The following NAV1 variants were observed in gnomAD, a reference collection of about 807,000 sequenced individuals.
The protein encoded by NAV1 is neuron navigator 1.
Under a neutral mutation model 175.2 loss-of-function variants are expected in NAV1, and 18 were observed. The ratio of observed to expected loss-of-function variants is 0.10; its 90% CI spans 0.07 to 0.15. NAV1 has a LOEUF of 0.15. Among genes scored for constraint, NAV1 ranks in the 10% least tolerant of loss-of-function variants. The pLI, the probability that NAV1 is intolerant of heterozygous loss-of-function variation, is 1.00. For missense variants in NAV1, 1,731 were observed against 2,436.6 expected (o/e 0.71, Z 6.10); for synonymous variants, 897 against 978.7 (o/e 0.92, Z 1.56).
At chr1:201,553,537 G>A (rs1172349252) in intron 1 of NAV1, among the ~76,000 whole-genome samples, 6 of 152,164 alleles carry the variant, frequency 3.9e-5, no homozygotes, top group Non-Finnish European at 7.3e-5. Flanking sequence ...TTTAATTGAG[G>A]TATAATTTAC....
At chr1:201,670,116 G>A (rs554630670) in intron 1 of NAV1, among the ~76,000 whole-genome samples, 3 of 151,880 alleles carry the variant, frequency 2.0e-5, no homozygotes, top group African/African-American at 4.8e-5. Context: ...CTCGGGCCGG[G>A]TGCGGTGGCT....
At chr1:201,643,944 T>C (rs1668891621), upstream of NAV1, among the ~76,000 whole-genome samples, 1 of 152,210 alleles carries the variant, frequency 6.6e-6, no homozygotes, top group Admixed American at 6.5e-5. Context: ...TCAAATTGCT[T>C]TAAGTTATCT....
intron 14 of NAV1, 161 bp from the exon 19 acceptor site, chr1:201,794,305 C>A (rs1677297610): frequency 1.5e-6 from 1 of 670,714 alleles, no homozygotes; most frequent in Admixed American, 2.2e-5. Context: ...GTGCCCGCCA[C>A]CACGCCCAGC....
chr1:201,700,853 T>C (rs1429035684), intron 1 of NAV1, among the ~76,000 whole-genome samples: 2 of 150,526 alleles, frequency 1.3e-5, no homozygotes, highest in South Asian at 2.1e-4. Context: ...CTAATAAAAA[T>C]ACAAAAAATT....
chr1:201,755,914 G>A (rs1376253975), intron 3 of NAV1, among the ~76,000 whole-genome samples: 1 of 152,044 alleles, frequency 6.6e-6, no homozygotes, highest in Admixed American at 6.6e-5. Context: ...AGACCATCCT[G>A]GCCAACATGG....
chr1:201,596,624 C>A (rs1667353636), intron 2 of NAV1, among the ~76,000 whole-genome samples: 1 of 152,202 alleles, frequency 6.6e-6, no homozygotes, highest in South Asian at 2.1e-4. Context: ...CCATTTCCAT[C>A]ATTCTCCAGT....
chr1:201,555,162 A>G (rs1318276635), intron 1 of NAV1, among the ~76,000 whole-genome samples: 1 of 152,172 alleles, frequency 6.6e-6, no homozygotes, highest in African/African-American at 2.4e-5. Flanking sequence ...CCCTATTTCC[A>G]AATAAGGTCA....
In NAV1 at chr1:201,718,701, G is replaced by A; in HGVS notation, c.1172G>A (p.Ser391Asn). Residue 391 changes from serine to asparagine, a missense_variant, in exon 3 of 30, where the codon AGC becomes AAC. Around this residue, in one of 13 missense-constraint regions of NAV1, gnomAD observed 487 missense variants for 581.3 expected, o/e 0.84. Transcript: ENST00000367296. The surrounding 1 kb of genome is among the most constrained non-coding windows in gnomAD (Gnocchi z 4.8). Reference sequence around the variant, plus strand: ...GTGGACCTCAAGTCCGGCTACATGAGCGACAGTGACCTCATGGGCAAGACC... The same window carrying A: ...GTGGACCTCAAGTCCGGCTACATGAACGACAGTGACCTCATGGGCAAGACC... 6.2e-7 allele frequency: 1 copy of A among 1,614,146 alleles called. No individual in the cohort carries two copies. Among genetic ancestry groups the A allele is most frequent in the Non-Finnish European group, 8.5e-7 (1 of 1,180,026 alleles).
At chr1:201,707,186 C>G (rs181165738) in intron 1 of NAV1, among the ~76,000 whole-genome samples, 1 of 152,140 alleles carries the variant, frequency 6.6e-6, no homozygotes, top group Non-Finnish European at 1.5e-5. Flanking sequence ...AGCAAGGTTC[C>G]GGAAGAGAAT....
intron 2 of NAV1, among the ~76,000 whole-genome samples, chr1:201,715,264 G>A (rs754761393): frequency 1.3e-5 from 2 of 150,990 alleles, no homozygotes; most frequent in Admixed American, 6.6e-5. Flanking sequence ...CAGGTCAAGC[G>A]ATTCTTCTGC....
At chr1:201,769,965 TG>T (rs1675468397) in intron 3 of NAV1, among the ~76,000 whole-genome samples, 1 of 152,226 alleles carries the variant, frequency 6.6e-6, no homozygotes, top group Non-Finnish European at 1.5e-5. Context: ...TTAAGAACCA[TG>T]CTGTGCTACA....
At chr1:201,809,123 G>C (rs765395392) in intron 20 of NAV1, 41 bp from the exon 25 acceptor site, 2 of 1,574,478 alleles carry the variant, frequency 1.3e-6, no homozygotes, top group Non-Finnish European at 1.7e-6. Flanking sequence ...GAAAGGCTGC[G>C]GGTACTCCTA....
chr1:201,690,229 A>G (rs557015400), intron 1 of NAV1, among the ~76,000 whole-genome samples: 1 of 96,914 alleles, frequency 1.0e-5, no homozygotes, highest in Non-Finnish European at 2.1e-5. Context: ...GAGTATGTCT[A>G]TTTCCTCTCT....
chr1:201,556,464 A>ACCC (rs1466517164), intron 1 of NAV1, among the ~76,000 whole-genome samples: 1 of 151,516 alleles, frequency 6.6e-6, no homozygotes, highest in African/African-American at 2.4e-5. Context: ...CAGTGATTAC[A>ACCC]CCCCAGTTGT....
chr1:201,629,470 G>C (rs1384624453), exon 2 of NAV1: 1 of 1,304,198 alleles, frequency 7.7e-7, no homozygotes, highest in African/African-American at 1.5e-5. Context: ...GCTATGCTGA[G>C]CCCCTCCATG....
chr1:201,618,440 A>G (rs1668065942), upstream of NAV1, among the ~76,000 whole-genome samples: 2 of 152,050 alleles, frequency 1.3e-5, no homozygotes. Flanking sequence ...AGCCCTCCCC[A>G]AGAGCTGCCT....
chr1:201,823,583 C>G (rs572154490), exon 30 of NAV1: 1 of 152,300 alleles, frequency 6.6e-6, no homozygotes, highest in Non-Finnish European at 1.5e-5. Context: ...GCAGGGAAGA[C>G]AAATCTGCTA....
intron 1 of NAV1, among the ~76,000 whole-genome samples, chr1:201,660,050 C>A (rs1334693654): frequency 6.6e-6 from 1 of 152,188 alleles, no homozygotes; most frequent in Non-Finnish European, 1.5e-5. Flanking sequence ...TACTGTCCTG[C>A]TGTCTTCATG....
intron 1 of NAV1, among the ~76,000 whole-genome samples, chr1:201,693,570 G>A (rs1671049188): frequency 6.6e-6 from 1 of 152,212 alleles, no homozygotes; most frequent in Non-Finnish European, 1.5e-5. Flanking sequence ...GATGAGAGGG[G>A]CTCAGAGATC....
Sources: allele counts gnomAD v4.1 joint callset (sites outside exome capture counted in the v4.1 genomes callset), GRCh38; gene constraint gnomAD v4.1.1; regional missense constraint gnomAD v4.1.1; non-coding constraint Gnocchi (gnomAD v3.1); transcripts MANE v1.5; gene names NCBI Gene and HGNC (gene_info 2026-07-23, HGNC 2026-07-21).